The following MED13 variants were observed in gnomAD, a reference collection of about 807,000 sequenced individuals.
The protein encoded by MED13 is mediator of RNA polymerase II transcription subunit 13.
A neutral mutation model predicts 225.2 loss-of-function variants in MED13; 23 were observed. The ratio of observed to expected loss-of-function variants is 0.10; its 90% confidence interval spans 0.07 to 0.14. The LOEUF (loss-of-function observed/expected upper bound fraction) is 0.14, where lower values mean the gene tolerates loss of function less well. MED13 is among the 10% of genes least tolerant of loss of function. The probability of loss-of-function intolerance (pLI) is 1.00; values close to 1 mark genes in which losing one functional copy is unlikely to be tolerated. For synonymous variants in MED13, 942 were observed against 889.2 expected, an observed-to-expected ratio of 1.06 and a Z score of -1.06; for missense variants, 2,197 against 2,594.5, an observed-to-expected ratio of 0.85 and a Z score of 3.33.
chr17:61,998,530 C>G (rs918631065), intron 9 of MED13, among the ~76,000 whole-genome samples: 1 of 150,610 alleles, frequency 6.6e-6, no homozygotes, highest in African/African-American at 2.5e-5. Flanking sequence ...ATTATAGAAG[C>G]AGATAAGCTA....
chr17:61,974,803 A>C (rs1315196287), intron 16 of MED13, among the ~76,000 whole-genome samples: 1 of 152,190 alleles, frequency 6.6e-6, no homozygotes, highest in Non-Finnish European at 1.5e-5. Flanking sequence ...TCTAAATATA[A>C]GAGCTAAAAC....
At position 62,060,028 on chromosome 17, in the gene MED13, A is replaced by T. The variant is rs142058736; in HGVS notation, c.301+3039T>A. On this transcript the variant is annotated intron_variant, in intron 2 of 29. Transcript: ENST00000397786. Reference sequence around the variant, plus strand: ...TATTTACGGCCAGGTGCAGTGACTCACGCCTGTAATCCTAGCACTTTGGGA... The same window carrying T: ...TATTTACGGCCAGGTGCAGTGACTCTCGCCTGTAATCCTAGCACTTTGGGA... Among the ~76,000 whole-genome samples the T allele has an allele frequency of 1.2e-4, 18 of 152,256 alleles. No homozygotes were observed. In the East Asian group the frequency reaches 3.3e-3, roughly 28 times the overall value.
In MED13 at chr17:61,947,030, C is replaced by A; in HGVS notation, c.6292-13G>T. On this transcript the variant is annotated splice_polypyrimidine_tract_variant and intron_variant, in intron 28 of 29. Coordinates refer to ENST00000397786, the MANE Select transcript of MED13 (RefSeq NM_005121.3). ...GGTGCAAAGAGGCCTAAGAAGGTAA[C>A]AGGTAATCAATCAGTCAGCCAAACA... The A allele has an allele frequency of 6.3e-7, 1 of 1,594,478 alleles. No homozygotes were observed. The highest frequency in any genetic ancestry group is 8.6e-7 in the Non-Finnish European group (1 of 1,162,514).
intron 26 of MED13, among the ~76,000 whole-genome samples, chr17:61,954,770 G>A (rs58493546): frequency 1.3e-5 from 2 of 152,222 alleles, no homozygotes; most frequent in East Asian, 1.9e-4. Flanking sequence ...GAGTGAGTGA[G>A]ACTCTGTCTC....
chr17:61,983,025 G>A lies in MED13; in HGVS notation c.2978C>T (p.Pro993Leu). 6.2e-7 allele frequency: 1 copy of A among 1,613,968 alleles called. No homozygotes were observed. ...SFGMPPSSAPPSNSGAGILPS... is the reference protein window; with the variant it reads ...SFGMPPSSAPLSNSGAGILPS... ...AAGAATTCCTGCTCCGCTGTTACTA[G>A]GAGGTGCACTGCTAGGAGGCATCCC... is the stretch of plus-strand genomic sequence containing the variant. The change falls in exon 16 of 30, where the codon CCT becomes CTT. Residue 993 changes from proline (P) to leucine (L), a missense_variant. Physicochemically the swap from Pro to Leu is moderately conservative, Grantham distance 98. Transcript: ENST00000397786.
At chr17:61,972,248 C>G (rs2080116405) in intron 17 of MED13, among the ~76,000 whole-genome samples, 1 of 152,158 alleles carries the variant, frequency 6.6e-6, no homozygotes, top group Non-Finnish European at 1.5e-5. Flanking sequence ...GACAATAAAT[C>G]TGCATACCTA....
At chr17:62,054,809 G>C (rs954894418) in intron 2 of MED13, among the ~76,000 whole-genome samples, 2 of 152,002 alleles carry the variant, frequency 1.3e-5, no homozygotes, top group African/African-American at 4.8e-5. Flanking sequence ...AATCAATTTA[G>C]TATCTTTTAT....
intron 10 of MED13, among the ~76,000 whole-genome samples, chr17:61,994,154 G>A (rs576030880): frequency 4.6e-5 from 7 of 151,710 alleles, no homozygotes; most frequent in Non-Finnish European, 8.8e-5. Context: ...GCCCGCCATC[G>A]CACCCAGCTA....
At position 62,065,258 on chromosome 17, in the gene MED13, G is replaced by T. The variant is rs977990759; in HGVS notation, c.-53C>A. On this transcript the variant is annotated 5_prime_UTR_variant, in exon 1 of 30. Coordinates refer to ENST00000397786, the MANE Select transcript of MED13 (RefSeq NM_005121.3). ...CCACAACCCACCATCCGCCATTACC[G>T]CCGCCTCCGACCAGAGAGAGAAACA... is the stretch of plus-strand genomic sequence containing the variant. 1 of 1,106,806 alleles carries T rather than the reference G, an allele frequency of 9.0e-7. No individual in the cohort carries two copies. 68.6% of individuals were successfully genotyped at this position (1,106,806 alleles called of 1,614,324 possible).
At chr17:62,042,581 C>G (rs1333036392) in intron 3 of MED13, among the ~76,000 whole-genome samples, 1 of 128,742 alleles carries the variant, frequency 7.8e-6, no homozygotes, top group African/African-American at 3.1e-5. Flanking sequence ...AAAAAAAAAA[C>G]CAAAAAAACC....
chr17:62,048,837 T>C (rs2080926936), intron 3 of MED13, among the ~76,000 whole-genome samples: 1 of 152,070 alleles, frequency 6.6e-6, no homozygotes, highest in South Asian at 2.1e-4. Flanking sequence ...CATAAGCTAC[T>C]CACATACACA....
rs1445888059 is a variant in MED13 at position 62,010,877 on chromosome 17, CCTT to C, written c.1637_1639del (p.Glu546del). 5.6e-6 allele frequency: 9 copies of C among 1,614,192 alleles called. No homozygotes were observed. The highest frequency in any genetic ancestry group is 7.6e-6 in the Non-Finnish European group (9 of 1,180,036). The stretch of plus-strand genomic sequence containing the variant: ...AGGAGTTGAAGGTGTTTTAGTCACT[CCTT>C]CATCAACCACATCACAAGGGTGAGG... On this transcript the variant is annotated inframe_deletion, in exon 9 of 30. Transcript: ENST00000397786.
At chr17:62,051,498 T>G (rs1028689896) in intron 3 of MED13, among the ~76,000 whole-genome samples, 1 of 152,212 alleles carries the variant, frequency 6.6e-6, no homozygotes, top group Admixed American at 6.5e-5. Context: ...TCCAGCTGAA[T>G]GCATTCTGAA....
At chr17:62,008,617 G>C (rs2080477033) in intron 9 of MED13, among the ~76,000 whole-genome samples, 1 of 151,754 alleles carries the variant, frequency 6.6e-6, no homozygotes, top group Non-Finnish European at 1.5e-5. Context: ...CCAAGCATGA[G>C]GGCAAAAAAA....
At chr17:61,983,445 G>C (rs544480972) in intron 15 of MED13, among the ~76,000 whole-genome samples, 4 of 152,100 alleles carry the variant, frequency 2.6e-5, no homozygotes, top group African/African-American at 9.6e-5. Flanking sequence ...AGATGCTACT[G>C]ACTATAAAAA....
chr17:61,956,557 T>C (rs1163875069), intron 23 of MED13, 76 bp from the exon 24 acceptor site: 8 of 1,433,354 alleles, frequency 5.6e-6, no homozygotes, highest in Non-Finnish European at 7.6e-6. Flanking sequence ...TTTTTTGAGA[T>C]GGAGTCTCAC....
intron 3 of MED13, among the ~76,000 whole-genome samples, chr17:62,045,715 A>C (rs1444824845): frequency 6.6e-6 from 1 of 152,200 alleles, no homozygotes; most frequent in African/African-American, 2.4e-5. Context: ...CCAGCAATGT[A>C]GGAAAACACC....
At chr17:61,956,201 A>G (rs2143313738) in intron 24 of MED13, 138 bp downstream of exon 24, 3 of 828,094 alleles carry the variant, frequency 3.6e-6, no homozygotes, top group South Asian at 5.5e-5. Flanking sequence ...GAATTAAGCC[A>G]TTTGTGGCCT....
chr17:61,964,159 T>A (rs2080032694), intron 20 of MED13, among the ~76,000 whole-genome samples: 1 of 152,226 alleles, frequency 6.6e-6, no homozygotes. Flanking sequence ...CACAGAAGAC[T>A]CAAATGTCAT....
Sources: gnomAD v4.1 joint callset for allele counts (sites outside exome capture counted in the v4.1 genomes callset) on GRCh38, gnomAD v4.1.1 for gene constraint, MANE v1.5 for transcripts, NCBI Gene and HGNC (gene_info 2026-07-23, HGNC 2026-07-21) for gene names.